Variants in GRIP2 observed in about 807,000 individuals in gnomAD.
The protein encoded by GRIP2 is glutamate receptor-interacting protein 2.
A neutral mutation model predicts 108.3 loss-of-function variants in GRIP2; 58 were observed. That is an observed-to-expected ratio of 0.54 (90% confidence interval 0.43 to 0.67). GRIP2 has a LOEUF of 0.67. GRIP2 is among the 30% of genes least tolerant of loss of function. The pLI, the probability that GRIP2 is intolerant of heterozygous loss-of-function variation, is 0.00. For synonymous variants in GRIP2, 586 were observed against 598.2 expected, an observed-to-expected ratio of 0.98 and a Z score of 0.30; for missense variants, 1,278 against 1,430.6, an observed-to-expected ratio of 0.89 and a Z score of 1.72.
chr3:14,567,168 A>G, the GRIP2 span, among the ~76,000 whole-genome samples: 1 of 152,120 alleles, frequency 6.6e-6, no homozygotes, highest in Non-Finnish European at 1.5e-5. Flanking sequence ...TTTGGGGCAG[A>G]TTCTTATGCA....
chr3:14,506,829 C>T lies in GRIP2; in HGVS notation c.2370G>A (p.Ser790=), dbSNP rs760759708. The change falls in exon 19 of 24, where the codon TCG becomes TCA. Residue 790 remains serine, a synonymous_variant. Transcript: ENST00000621039. The part of the protein sequence containing the change: ...VDSAVESWDS[S]ATEGGFGGPG... Reference sequence around the variant, plus strand: ...GGCCCCCAAAGCCACCCTCGGTGGCCGAGCTGTCCCAAGACTCCACAGCAC... The same window carrying T: ...GGCCCCCAAAGCCACCCTCGGTGGCTGAGCTGTCCCAAGACTCCACAGCAC... The T allele has an allele frequency of 1.2e-5, 19 of 1,604,000 alleles. No individual in the cohort carries two copies. The highest frequency in any genetic ancestry group is 9.0e-5 in the South Asian group (8 of 89,224).
chr3:14,551,933 G>C (rs1695156424), intron 1 of GRIP2, among the ~76,000 whole-genome samples: 1 of 152,200 alleles, frequency 6.6e-6, no homozygotes, highest in South Asian at 2.1e-4. Context: ...GAAAGTACAT[G>C]GGAAGTGCCT....
the GRIP2 span, among the ~76,000 whole-genome samples, chr3:14,565,452 C>T: frequency 5.3e-5 from 8 of 152,092 alleles, no homozygotes; most frequent in Non-Finnish European, 7.4e-5. Flanking sequence ...CTTCTCAGGC[C>T]CTCACAAACA....
chr3:14,595,311 T>C, the GRIP2 span, among the ~76,000 whole-genome samples: 3 of 152,268 alleles, frequency 2.0e-5, no homozygotes, highest in Non-Finnish European at 2.9e-5. Context: ...TACAGGTGTG[T>C]GCCCAGCGCC....
intron 1 of GRIP2, among the ~76,000 whole-genome samples, chr3:14,555,352 A>C (rs1695220179): frequency 6.6e-6 from 1 of 151,318 alleles, no homozygotes. Flanking sequence ...GAAGGAGAGA[A>C]AAGGCTGCTG....
chr3:14,598,529 C>G, the GRIP2 span, among the ~76,000 whole-genome samples: 3 of 152,114 alleles, frequency 2.0e-5, no homozygotes, highest in Admixed American at 6.5e-5. Context: ...ACCTCCACCC[C>G]CTTACTCATG....
At chr3:14,527,184 C>T (rs924797061) in intron 1 of GRIP2, among the ~76,000 whole-genome samples, 2 of 152,020 alleles carry the variant, frequency 1.3e-5, no homozygotes, top group Non-Finnish European at 2.9e-5. Flanking sequence ...GAGACCCTCA[C>T]TCTGTCTCGA....
At chr3:14,556,598 C>G (rs1260353634), upstream of GRIP2, among the ~76,000 whole-genome samples, 3 of 152,216 alleles carry the variant, frequency 2.0e-5, no homozygotes, top group African/African-American at 7.2e-5. Context: ...CAGAGTAGAA[C>G]GAGGAGACCT....
chr3:14,517,930 G>T (rs1199625911), intron 9 of GRIP2, 33 bp from the exon 10 acceptor site: 9 of 1,507,046 alleles, frequency 6.0e-6, no homozygotes, highest in Non-Finnish European at 8.0e-6. Context: ...AAAGAGAGGT[G>T]CAGGCGTTAG....
intron 11 of GRIP2, among the ~76,000 whole-genome samples, chr3:14,516,694 C>T (rs754979695): frequency 5.3e-5 from 8 of 152,180 alleles, no homozygotes; most frequent in Non-Finnish European, 1.2e-4. Flanking sequence ...TATAGTAACG[C>T]AGCACTGAGG....
At chr3:14,497,851 G>T (rs952499625) in intron 21 of GRIP2, among the ~76,000 whole-genome samples, 5 of 152,184 alleles carry the variant, frequency 3.3e-5, no homozygotes, top group African/African-American at 1.2e-4. Context: ...GGAAGTGAGG[G>T]CTGAGCAGTT....
At chr3:14,572,866 C>G in the GRIP2 span, 619 of 1,190,362 alleles carry the variant, frequency 5.2e-4, 2 homozygotes, top group Non-Finnish European at 6.8e-4. Context: ...AGCTGAGCAT[C>G]CAGTTCGTAC....
In GRIP2 at chr3:14,548,637, C is replaced by T. The variant is rs552465659; in HGVS notation, c.55+7263G>A. Among the ~76,000 whole-genome samples, 14 of 152,346 alleles carry T rather than the reference C, an allele frequency of 9.2e-5. No individual in the cohort carries two copies. In the South Asian group the frequency reaches 2.5e-3, roughly 27 times the overall value. ...GCATGACCCTCCGTCCAAACGCAAACGCCTTAGAGAGAAGGAAAGGGCCAG... is the reference window on the plus strand; with the variant it reads ...GCATGACCCTCCGTCCAAACGCAAATGCCTTAGAGAGAAGGAAAGGGCCAG... On this transcript the variant is annotated intron_variant, in intron 1 of 23. Transcript: ENST00000637182.
In GRIP2 at chr3:14,512,878, A is replaced by G. The variant is rs1248834009; in HGVS notation, c.1640-21T>C. On this transcript the variant is annotated intron_variant, in intron 13 of 23. Transcript: ENST00000621039. This position sits in a 1 kb window ranked among gnomAD's most constrained non-coding sequence, Gnocchi z 5.1. Reference sequence around the variant, plus strand: ...GGACTCTGGGGGTAGATGGACATAAACCGACGTGAGGACCCAGAGGAGGAG... The same window carrying G: ...GGACTCTGGGGGTAGATGGACATAAGCCGACGTGAGGACCCAGAGGAGGAG... 1 of 1,611,912 alleles carries G rather than the reference A, an allele frequency of 6.2e-7. No homozygotes were observed. The highest frequency in any genetic ancestry group is 1.1e-5 in the South Asian group (1 of 91,042).
chr3:14,525,783 C>G, intron 2 of GRIP2, 68 bp downstream of exon 2: 1 of 1,472,202 alleles, frequency 6.8e-7, no homozygotes, highest in South Asian at 1.2e-5. Flanking sequence ...CCGTTGCCAT[C>G]TGACCCCCAC....
chr3:14,551,820 T>C (rs1012545754), intron 1 of GRIP2, among the ~76,000 whole-genome samples: 3 of 152,200 alleles, frequency 2.0e-5, no homozygotes, highest in African/African-American at 7.2e-5. Context: ...ACTTCTTTCC[T>C]AGGTGTGTGA....
rs1292200454 is a variant in GRIP2 at position 14,510,094 on chromosome 3, T to C, written c.1934-130A>G. On this transcript the variant is annotated intron_variant, in intron 16 of 23. Transcript: ENST00000621039. Reference sequence around the variant, plus strand: ...CCCAGTCACTCACGCTCTGATTTCATGTAGCACAACCTGGGGACCCTGAGG... The same window carrying C: ...CCCAGTCACTCACGCTCTGATTTCACGTAGCACAACCTGGGGACCCTGAGG... 8.1e-6 allele frequency: 7 copies of C among 863,394 alleles called. No individual in the cohort carries two copies. In the African/African-American group the frequency reaches 8.7e-5, roughly 11 times the overall value. The allele number at this position is 863,394 out of a possible 1,614,324, so 53.5% of individuals were successfully genotyped here.
rs1357054139 is a variant in GRIP2, at chr3:14,514,329, G to T, written c.1456C>A (p.Leu486Ile). ...FATETLSSPPLVCFIEPDSPA... is the reference protein window; with the variant it reads ...FATETLSSPPIVCFIEPDSPA... ...CTGTCAGGCTCGATGAAGCACACGA[G>T]GGGTGGGGAGGACAGGGTCTCGGTG... Residue 486 changes from leucine (L) to isoleucine (I), a missense_variant, in exon 12 of 24, where the codon CTC (leucine) becomes ATC (isoleucine). Coordinates refer to ENST00000621039, the MANE Select transcript of GRIP2 (RefSeq NM_001080423.4). 2.5e-6 allele frequency: 4 copies of T among 1,577,134 alleles called. No homozygotes were observed. Among genetic ancestry groups the T allele is most frequent in the Admixed American group, 1.8e-5 (1 of 54,102 alleles).
intron 3 of GRIP2, 63 bp from the exon 4 acceptor site, chr3:14,524,601 A>G (rs1280575083): frequency 1.3e-6 from 2 of 1,496,222 alleles, no homozygotes; most frequent in Middle Eastern, 1.7e-4. Flanking sequence ...CCTGGCATTC[A>G]CACCCACCCT....
Sources: gnomAD v4.1 joint callset for allele counts (sites outside exome capture counted in the v4.1 genomes callset) on GRCh38, gnomAD v4.1.1 for gene constraint, Gnocchi (gnomAD v3.1) non-coding constraint, MANE v1.5 for transcripts, NCBI Gene and HGNC (gene_info 2026-07-23, HGNC 2026-07-21) for gene names.